Variants in DLG2 observed in about 807,000 individuals in gnomAD.
The protein encoded by DLG2 is disks large homolog 2.
DLG2 carries 45 observed loss-of-function variants against 132.5 expected under a neutral mutation model. The observed-to-expected ratio is 0.34, with a 90% CI of 0.27 to 0.44. The LOEUF is 0.44. Ranked by LOEUF, DLG2 falls within the 20% of genes least tolerant of loss-of-function variation. The pLI, the probability that DLG2 is intolerant of heterozygous loss-of-function variation, is 1.00. For synonymous variants in DLG2, 424 were observed against 419.6 expected (o/e 1.01, Z -0.13); for missense variants, 1,045 against 1,196.9 (o/e 0.87, Z 1.87).
At chr11:84,339,942 G>A (rs1337177982) in intron 7 of DLG2, among the ~76,000 whole-genome samples, 3 of 152,058 alleles carry the variant, frequency 2.0e-5, no homozygotes, top group African/African-American at 4.8e-5. Flanking sequence ...CTGGCCATAC[G>A]TCCATCTAAG....
chr11:85,078,947 C>T (rs1484618335), intron 6 of DLG2, among the ~76,000 whole-genome samples: 1 of 152,054 alleles, frequency 6.6e-6, no homozygotes. Context: ...AAGGACATGC[C>T]TGTGACATGG....
chr11:84,754,215 T>G (rs1384309670), intron 6 of DLG2, among the ~76,000 whole-genome samples: 2 of 152,098 alleles, frequency 1.3e-5, no homozygotes, highest in Non-Finnish European at 2.9e-5. Flanking sequence ...AACAAGTGAG[T>G]GGATGTAGAA....
intron 19 of DLG2, among the ~76,000 whole-genome samples, chr11:83,550,102 G>A (rs570324015): frequency 3.7e-4 from 57 of 152,198 alleles, no homozygotes; most frequent in African/African-American, 9.2e-4. Flanking sequence ...GATACTCTTC[G>A]TATTACAACA....
intron 15 of DLG2, among the ~76,000 whole-genome samples, chr11:83,929,384 T>C (rs908703281): frequency 1.3e-5 from 2 of 152,200 alleles, no homozygotes; most frequent in Admixed American, 6.5e-5. Flanking sequence ...GTAGGAACAT[T>C]ACAATTGGGA....
chr11:84,488,982 A>T (rs1436926403), intron 7 of DLG2, among the ~76,000 whole-genome samples: 1 of 152,202 alleles, frequency 6.6e-6, no homozygotes, highest in East Asian at 1.9e-4. Context: ...AACTCACCAC[A>T]ACTGCTCAAG....
chr11:84,992,892 A>G (rs1487637227), intron 6 of DLG2, among the ~76,000 whole-genome samples: 1 of 152,180 alleles, frequency 6.6e-6, no homozygotes, highest in African/African-American at 2.4e-5. Context: ...CTAGAACCAG[A>G]AATACCATTT....
chr11:85,205,889 AAC>A (rs1341982725), intron 4 of DLG2, among the ~76,000 whole-genome samples: 15 of 152,210 alleles, frequency 9.9e-5, no homozygotes. Flanking sequence ...TTTCAAATGT[AAC>A]ACAGAATACT....
chr11:84,566,789 T>G (rs2099457898), intron 6 of DLG2, among the ~76,000 whole-genome samples: 1 of 152,198 alleles, frequency 6.6e-6, no homozygotes, highest in South Asian at 2.1e-4. Flanking sequence ...CTTGTTCCAC[T>G]TTGAAGTGGA....
rs1423816267 is a variant in DLG2 at position 83,730,479 on chromosome 11, ACT to A, written c.1825+56209_1825+56210del. On this transcript the variant is annotated intron_variant, in intron 18 of 27. Transcript: ENST00000376104. ...ATCAAGAAGAAGCAGATGTGGGAAA[ACT>A]CTCTGCCCTCCATTTTCCTAAAAGC... Among the ~76,000 whole-genome samples the A allele has an allele frequency of 2.0e-5, 3 of 152,014 alleles. No individual in the cohort carries two copies. In the East Asian group the frequency reaches 5.8e-4, roughly 29 times the overall value.
At chr11:83,913,117 C>A (rs535535832) in intron 15 of DLG2, among the ~76,000 whole-genome samples, 1 of 152,024 alleles carries the variant, frequency 6.6e-6, no homozygotes, top group Non-Finnish European at 1.5e-5. Context: ...TCATTTTAAT[C>A]ATGTTAATAA....
At chr11:85,116,724 G>A (rs2073645679) in intron 5 of DLG2, among the ~76,000 whole-genome samples, 1 of 151,840 alleles carries the variant, frequency 6.6e-6, no homozygotes, top group South Asian at 2.1e-4. Context: ...AAGACACCAA[G>A]ATATAAAAAT....
chr11:85,397,378 C>G (rs2087506636), intron 3 of DLG2, among the ~76,000 whole-genome samples: 1 of 152,010 alleles, frequency 6.6e-6, no homozygotes, highest in African/African-American at 2.4e-5. Flanking sequence ...AATTAACGGG[C>G]AAAATAACCA....
intron 7 of DLG2, among the ~76,000 whole-genome samples, chr11:84,276,513 T>C (rs1420271089): frequency 6.6e-6 from 1 of 152,216 alleles, no homozygotes; most frequent in Non-Finnish European, 1.5e-5. Context: ...AACACAAAGA[T>C]AAATGTAATA....
chr11:85,613,247 G>C (rs920668141), intron 2 of DLG2, among the ~76,000 whole-genome samples: 1 of 152,074 alleles, frequency 6.6e-6, no homozygotes, highest in East Asian at 1.9e-4. Context: ...TCAAGCTACC[G>C]ATGGTCTTAC....
At chr11:84,023,461 GTAGCAAGTAGAAA>G (rs1240487763) in intron 11 of DLG2, among the ~76,000 whole-genome samples, 3 of 152,206 alleles carry the variant, frequency 2.0e-5, no homozygotes, top group Non-Finnish European at 4.4e-5. Flanking sequence ...GTTCACTAAA[GTAGCAAGTAGAAA>G]AGCCAGGATT....
intron 18 of DLG2, among the ~76,000 whole-genome samples, chr11:83,662,205 A>C (rs1341515205): frequency 2.0e-5 from 3 of 152,210 alleles, no homozygotes; most frequent in Non-Finnish European, 4.4e-5. Context: ...GGGCATCTGC[A>C]GTGCTCAAAA....
chr11:84,195,367 T>C (rs1333768878), intron 8 of DLG2, among the ~76,000 whole-genome samples: 1 of 152,134 alleles, frequency 6.6e-6, no homozygotes, highest in African/African-American at 2.4e-5. Context: ...GTTTCACCCA[T>C]GTTGGCCAGG....
At chr11:83,502,068 G>A (rs1379046282) in intron 21 of DLG2, among the ~76,000 whole-genome samples, 1 of 152,122 alleles carries the variant, frequency 6.6e-6, no homozygotes, top group Non-Finnish European at 1.5e-5. Flanking sequence ...GCATTTGTTG[G>A]TAACATTTGT....
At chr11:83,558,971 T>C (rs776467776) in intron 19 of DLG2, among the ~76,000 whole-genome samples, 14 of 151,354 alleles carry the variant, frequency 9.2e-5, no homozygotes, top group Admixed American at 1.3e-4. Context: ...GGGCAAGACA[T>C]ACTGTAAAAG....
Sources: gnomAD v4.1 joint callset for allele counts (sites outside exome capture counted in the v4.1 genomes callset) on GRCh38, gnomAD v4.1.1 for gene constraint, MANE v1.5 for transcripts, NCBI Gene and HGNC (gene_info 2026-07-23, HGNC 2026-07-21) for gene names.